SNCAIP: variants seen among roughly 807,000 people sequenced by gnomAD.
The protein encoded by SNCAIP is synuclein alpha interacting protein.
SNCAIP carries 43 observed loss-of-function variants against 86.7 expected under a neutral mutation model. That is an observed-to-expected ratio of 0.50 (90% CI 0.39 to 0.64). The LOEUF is 0.64. Among genes scored for constraint, SNCAIP ranks in the 30% least tolerant of loss-of-function variants. The pLI, the probability that SNCAIP is intolerant of heterozygous loss-of-function variation, is 0.00. For missense variants in SNCAIP, 981 were observed against 1,103.1 expected, an observed-to-expected ratio of 0.89 and a Z score of 1.57; for synonymous variants, 417 against 427.2, an observed-to-expected ratio of 0.98 and a Z score of 0.29.
chr5:122,450,343 G>A (rs1359422119), intron 9 of SNCAIP, among the ~76,000 whole-genome samples, 190 bp from the exon 10 acceptor site: 4 of 152,184 alleles, frequency 2.6e-5, no homozygotes, highest in East Asian at 1.9e-4. Context: ...AGTTATAGCC[G>A]AAGGCATAAG....
chr5:122,416,476 C>G (rs566598295), intron 3 of SNCAIP, among the ~76,000 whole-genome samples: 1 of 152,330 alleles, frequency 6.6e-6, no homozygotes, highest in South Asian at 2.1e-4. Flanking sequence ...GGGAGCATCC[C>G]AGAAACACTC....
intron 3 of SNCAIP, among the ~76,000 whole-genome samples, chr5:122,415,636 C>T (rs1184908470): frequency 2.0e-5 from 3 of 152,172 alleles, no homozygotes; most frequent in African/African-American, 7.2e-5. Flanking sequence ...TCTCTCTTAC[C>T]AAGGAGCAGT....
In SNCAIP at chr5:122,403,853, G is replaced by A. The variant is rs187795054; in HGVS notation, c.118G>A (p.Glu40Lys). 7.4e-6 allele frequency: 12 copies of A among 1,613,354 alleles called. No homozygotes were observed. In the East Asian group the frequency reaches 1.6e-4, roughly 21 times the overall value. The change falls in exon 3 of 11, where the codon GAA (glutamate) becomes AAA (lysine). Residue 40 changes from glutamate to lysine, a missense_variant. Physicochemically the swap from Glu to Lys is moderately conservative, Grantham distance 56. Coordinates refer to ENST00000261368, the MANE Select transcript of SNCAIP (RefSeq NM_005460.4). ...ELCRRCDTQNEDRSVSSSSWN... is the reference protein window; with the variant it reads ...ELCRRCDTQNKDRSVSSSSWN... ...GTGCCGAAGATGTGATACGCAAAACGAAGACAGATCAGGTAGGTTTTGCTC... is the reference window on the plus strand; with the variant it reads ...GTGCCGAAGATGTGATACGCAAAACAAAGACAGATCAGGTAGGTTTTGCTC...
At chr5:122,318,019 C>T (rs1180718240) in intron 1 of SNCAIP, among the ~76,000 whole-genome samples, 1 of 151,984 alleles carries the variant, frequency 6.6e-6, no homozygotes, top group African/African-American at 2.4e-5. Context: ...TTATATAACT[C>T]CCTGCTAAGA....
At position 122,449,719 on chromosome 5, in the gene SNCAIP, A is replaced by G. The variant is rs951021544; in HGVS notation, c.1593-126A>G. ...TTCTGAACCTGTAAGGATGAATATTATGCACATTTTAAGGCTTTTGTATTT... is the reference window on the plus strand; with the variant it reads ...TTCTGAACCTGTAAGGATGAATATTGTGCACATTTTAAGGCTTTTGTATTT... On this transcript the variant is annotated intron_variant, in intron 8 of 10. Transcript: ENST00000261368. 1.8e-5 allele frequency: 14 copies of G among 761,752 alleles called. No individual in the cohort carries two copies. In the African/African-American group the frequency reaches 2.1e-4, roughly 11 times the overall value. 47.2% of individuals were successfully genotyped at this position (761,752 alleles called of 1,614,324 possible).
intron 4 of SNCAIP, among the ~76,000 whole-genome samples, chr5:122,424,460 A>T (rs1776991947): frequency 6.6e-6 from 1 of 152,202 alleles, no homozygotes; most frequent in African/African-American, 2.4e-5. Context: ...TCGTACTATG[A>T]TGCTAATTAA....
At chr5:122,326,368 G>A (rs1754030277) in intron 1 of SNCAIP, among the ~76,000 whole-genome samples, 1 of 152,108 alleles carries the variant, frequency 6.6e-6, no homozygotes, top group Admixed American at 6.5e-5. Context: ...CATCTCATCT[G>A]TAACTTATAG....
intron 1 of SNCAIP, among the ~76,000 whole-genome samples, chr5:122,347,643 T>C (rs1758884385): frequency 6.6e-6 from 1 of 152,116 alleles, no homozygotes; most frequent in Non-Finnish European, 1.5e-5. Context: ...TTACTTTGTC[T>C]CCGTTCTAAT....
chr5:122,408,111 T>C (rs1343151157), intron 3 of SNCAIP, among the ~76,000 whole-genome samples: 1 of 152,178 alleles, frequency 6.6e-6, no homozygotes, highest in African/African-American at 2.4e-5. Flanking sequence ...GTGCTGCTCA[T>C]TCTTTTCACT....
intron 1 of SNCAIP, among the ~76,000 whole-genome samples, chr5:122,355,866 T>G (rs1427517019): frequency 1.3e-5 from 2 of 152,096 alleles, no homozygotes; most frequent in Non-Finnish European, 2.9e-5. Context: ...CCAACAGACA[T>G]GTCAAGAAAT....
At chr5:122,440,403 T>C (rs554014936) in intron 6 of SNCAIP, 2 of 536,698 alleles carry the variant, frequency 3.7e-6, no homozygotes, top group Non-Finnish European at 6.6e-6. Flanking sequence ...ATAAGAGCGC[T>C]TCCAAGGGAG....
intron 1 of SNCAIP, among the ~76,000 whole-genome samples, chr5:122,372,141 C>G (rs1231325038): frequency 6.6e-6 from 1 of 152,094 alleles, no homozygotes; most frequent in East Asian, 1.9e-4. Flanking sequence ...TTTTCATACC[C>G]TTCCTGAAAG....
chr5:122,401,267 C>T, intron 2 of SNCAIP: 1 of 845,196 alleles, frequency 1.2e-6, no homozygotes, highest in South Asian at 2.2e-5. Flanking sequence ...ATCATTTGCT[C>T]ATTCCCAAAT....
intron 2 of SNCAIP, among the ~76,000 whole-genome samples, chr5:122,399,844 T>TTATA (rs1219530005): frequency 6.6e-6 from 1 of 152,138 alleles, no homozygotes; most frequent in African/African-American, 2.4e-5. Flanking sequence ...TAATCACCCA[T>TTATA]ATGGCTTGTG....
intron 8 of SNCAIP, among the ~76,000 whole-genome samples, chr5:122,448,653 T>TATATACATA (rs1782922408): frequency 1.6e-5 from 2 of 127,814 alleles, no homozygotes; most frequent in Non-Finnish European, 3.3e-5. Context: ...TATATATTTT[T>TATATACATA]ATATATATTA....
chr5:122,397,021 TCAGA>T (rs1770759287), intron 2 of SNCAIP, among the ~76,000 whole-genome samples: 1 of 152,148 alleles, frequency 6.6e-6, no homozygotes, highest in South Asian at 2.1e-4. Flanking sequence ...TAACTGTGCA[TCAGA>T]CACTCTTCCC....
chr5:122,336,201 A>T (rs906330274), intron 1 of SNCAIP, among the ~76,000 whole-genome samples: 1 of 152,176 alleles, frequency 6.6e-6, no homozygotes, highest in African/African-American at 2.4e-5. Flanking sequence ...AAAGAGAGAG[A>T]GAGTGTGTAA....
intron 1 of SNCAIP, among the ~76,000 whole-genome samples, chr5:122,351,014 C>G (rs1467615114): frequency 6.6e-6 from 1 of 152,200 alleles, no homozygotes. Context: ...AAATATGTGT[C>G]TAGCACATCA....
intron 3 of SNCAIP, among the ~76,000 whole-genome samples, chr5:122,408,253 C>T (rs957038397): frequency 1.3e-5 from 2 of 152,190 alleles, no homozygotes; most frequent in African/African-American, 2.4e-5. Flanking sequence ...GGGTTTCCCA[C>T]ATATCTTTTC....
Sources: allele counts gnomAD v4.1 joint callset (sites outside exome capture counted in the v4.1 genomes callset), GRCh38; gene constraint gnomAD v4.1.1; transcripts MANE v1.5; gene names NCBI Gene and HGNC (gene_info 2026-07-23, HGNC 2026-07-21).